The following FMN1 variants were observed in gnomAD, a reference collection of about 807,000 sequenced individuals.
FMN1 encodes the protein formin 1.
In FMN1, 110 loss-of-function variants were observed where a neutral mutation model predicts 132.4. The observed-to-expected ratio is 0.83, with a 90% CI of 0.71 to 0.97. FMN1 has a LOEUF of 0.97. Among genes scored for constraint, FMN1 ranks in the 50% least tolerant of loss-of-function variants. The probability of loss-of-function intolerance (pLI) is 0.00; values close to 1 mark genes in which losing one functional copy is unlikely to be tolerated. For synonymous variants in FMN1, 722 were observed against 651.7 expected (o/e 1.11, Z -1.64); for missense variants, 1,792 against 1,705.3 (o/e 1.05, Z -0.90).
chr15:32,917,888 G>A (rs928586348), intron 10 of FMN1, among the ~76,000 whole-genome samples: 1 of 152,172 alleles, frequency 6.6e-6, no homozygotes, highest in South Asian at 2.1e-4. Context: ...ATCCCAGAGT[G>A]GGAAGCACAT....
At chr15:33,124,674 T>G (rs1962880461) in intron 4 of FMN1, among the ~76,000 whole-genome samples, 1 of 152,072 alleles carries the variant, frequency 6.6e-6, no homozygotes, top group South Asian at 2.1e-4. Context: ...ATATCTGAGA[T>G]TATTCCTTTC....
chr15:32,875,593 G>A (rs2059617935), intron 16 of FMN1, among the ~76,000 whole-genome samples: 1 of 152,232 alleles, frequency 6.6e-6, no homozygotes, highest in Non-Finnish European at 1.5e-5. Flanking sequence ...CCACCTAGGA[G>A]CCACGCTGAG....
chr15:33,034,569 C>T (rs1417538961), intron 6 of FMN1, among the ~76,000 whole-genome samples: 1 of 152,086 alleles, frequency 6.6e-6, no homozygotes, highest in Non-Finnish European at 1.5e-5. Context: ...AGAGAGAGAC[C>T]TTGTCTCAAA....
At chr15:32,861,067 C>T (rs971318119) in intron 16 of FMN1, among the ~76,000 whole-genome samples, 2 of 152,168 alleles carry the variant, frequency 1.3e-5, no homozygotes, top group African/African-American at 4.8e-5. Flanking sequence ...GCTAGGATTT[C>T]CCACAATATA....
rs137981248 is a variant in FMN1 at position 33,145,965 on chromosome 15, G to A, written c.1867+7083C>T. Among the ~76,000 whole-genome samples the A allele has an allele frequency of 5.9e-4, 90 of 151,494 alleles. 1 individual carries two copies. The highest frequency in any genetic ancestry group is 5.4e-3 in the Admixed American group (82 of 15,210). ...TTGTGACTTTATTGTGAATAAAACCGTATTACCATGAATTTTTTTTTTTTT... is the reference window on the plus strand; with the variant it reads ...TTGTGACTTTATTGTGAATAAAACCATATTACCATGAATTTTTTTTTTTTT... On this transcript the variant is annotated intron_variant, in intron 4 of 20. Transcript: ENST00000616417.
At chr15:33,048,638 A>AAAAAAAAAACAAAAAAAAAAAC (rs1555388912) in intron 6 of FMN1, among the ~76,000 whole-genome samples, 358 of 21,492 alleles carry the variant, frequency 0.017, 24 homozygotes, top group African/African-American at 0.042. Context: ...TACCAAAAAA[A>AAAAAAAAAACAAAAAAAAAAAC]AAAAAAAAAA....
chr15:33,015,727 G>C (rs767970978), intron 6 of FMN1, among the ~76,000 whole-genome samples: 7 of 151,786 alleles, frequency 4.6e-5, no homozygotes, highest in Non-Finnish European at 7.4e-5. Context: ...TCATTCCTCT[G>C]AATTATACTT....
intron 4 of FMN1, among the ~76,000 whole-genome samples, chr15:33,118,523 G>C (rs1482748359): frequency 6.6e-6 from 1 of 152,066 alleles, no homozygotes; most frequent in South Asian, 2.1e-4. Context: ...TTTTTCCTAG[G>C]TAATTTTTCT....
chr15:33,012,839 G>T (rs1199750557), intron 6 of FMN1: 16 of 624,676 alleles, frequency 2.6e-5, no homozygotes, highest in South Asian at 2.3e-4. Context: ...AGCAGTGGGG[G>T]TGGCTATAAT....
intron 17 of FMN1, among the ~76,000 whole-genome samples, chr15:32,849,991 C>G (rs117191324): frequency 1.3e-5 from 2 of 152,210 alleles, no homozygotes; most frequent in Admixed American, 6.5e-5. Context: ...GATTACTGTT[C>G]TGTTACTTAA....
At chr15:32,908,194 T>G in intron 12 of FMN1, 1 of 269,032 alleles carries the variant, frequency 3.7e-6, no homozygotes, top group East Asian at 6.9e-5. Flanking sequence ...CTTCCTCAGT[T>G]ACCCTTTTGG....
chr15:32,949,129 TTTC>T (rs1262869473), intron 9 of FMN1, among the ~76,000 whole-genome samples: 2 of 152,142 alleles, frequency 1.3e-5, no homozygotes, highest in Non-Finnish European at 2.9e-5. Flanking sequence ...TTATAATTAC[TTTC>T]TTAACTCAAT....
intron 10 of FMN1, among the ~76,000 whole-genome samples, chr15:32,916,665 T>C (rs949144898): frequency 6.6e-6 from 1 of 152,024 alleles, no homozygotes; most frequent in African/African-American, 2.4e-5. Flanking sequence ...TGTAAGCCTC[T>C]TGCACAAAGC....
Position 32,946,029 on chromosome 15 carries a change from G to A in FMN1, c.3138+18078C>T, listed in dbSNP as rs189813423. 1.1e-4 allele frequency among the ~76,000 whole-genome samples: 17 copies of A among 152,246 alleles called. No homozygotes were observed. The East Asian group carries it at 3.3e-3, about 29-fold the overall frequency. ...TGTAAGTGCCATATTGCTTCCAACA[G>A]GTTCACTGAGTTCCTTCCATGAATA... On this transcript the variant is annotated intron_variant, in intron 9 of 20. Transcript: ENST00000616417.
At chr15:32,916,221 C>T (rs572971092) in intron 10 of FMN1, among the ~76,000 whole-genome samples, 2 of 152,298 alleles carry the variant, frequency 1.3e-5, no homozygotes, top group South Asian at 4.2e-4. Context: ...AAAATTCCCC[C>T]TCCGGGTAAG....
rs570990303 is a variant in FMN1 at position 33,154,416 on chromosome 15, C to T, written c.499G>A (p.Glu167Lys). 4.8e-5 allele frequency: 74 copies of T among 1,536,186 alleles called. No homozygotes were observed. The South Asian group carries it at 8.7e-4, about 18-fold the overall frequency. ...TTCTGTGGAAGGGCCCCAAAGCTCT[C>T]TCTCCTTCCACTAGACCTCCGAGGC... ...KKPRRSSGRR[E>K]SFGALPQKRT... The change falls in exon 4 of 21, where the codon GAG becomes AAG. Residue 167 changes from glutamate (E) to lysine (K), a missense_variant. Around this residue, in one of 3 missense-constraint regions of FMN1, gnomAD observed 638 missense variants for 645.2 expected, o/e 0.99. Coordinates refer to ENST00000616417, the MANE Select transcript of FMN1 (RefSeq NM_001277313.2).
At chr15:32,939,370 G>A (rs1484756154) in intron 9 of FMN1, among the ~76,000 whole-genome samples, 1 of 151,596 alleles carries the variant, frequency 6.6e-6, no homozygotes, top group Non-Finnish European at 1.5e-5. Context: ...AAATATTAAG[G>A]GGAAAAAAAG....
chr15:32,997,434 A>T (rs1405400760), intron 7 of FMN1, among the ~76,000 whole-genome samples: 1 of 151,950 alleles, frequency 6.6e-6, no homozygotes, highest in African/African-American at 2.4e-5. Context: ...AAAAATCATT[A>T]TACTAGGCAG....
At chr15:33,066,445 G>A (rs2037728564) in intron 5 of FMN1, 6 of 1,328,302 alleles carry the variant, frequency 4.5e-6, no homozygotes, top group Non-Finnish European at 5.1e-6. Context: ...ACTTTGGGAG[G>A]AAACCTGGAA....
Sources: gnomAD v4.1 joint callset for allele counts (sites outside exome capture counted in the v4.1 genomes callset) on GRCh38, gnomAD v4.1.1 for gene constraint, gnomAD v4.1.1 regional missense constraint, MANE v1.5 for transcripts, NCBI Gene and HGNC (gene_info 2026-07-23, HGNC 2026-07-21) for gene names.